CRB1: variants seen among roughly 807,000 people sequenced by gnomAD.
The protein encoded by CRB1 is crumbs cell polarity complex component 1, also known as protein crumbs homolog 1.
In CRB1, 83 loss-of-function variants were observed where a neutral mutation model predicts 120.0. The ratio of observed to expected loss-of-function variants is 0.69; its 90% CI spans 0.58 to 0.83. The LOEUF is 0.83. Among genes scored for constraint, CRB1 ranks in the 40% least tolerant of loss-of-function variants. The pLI is 0.00. For missense variants in CRB1, 1,699 were observed against 1,687.6 expected, an observed-to-expected ratio of 1.01 and a Z score of -0.12; for synonymous variants, 625 against 612.5, an observed-to-expected ratio of 1.02 and a Z score of -0.30.
chr1:197,428,147 C>A, intron 7 of CRB1, 146 bp downstream of exon 7: 1 of 760,038 alleles, frequency 1.3e-6, no homozygotes, highest in Non-Finnish European at 2.1e-6. Flanking sequence ...TATATTGTTC[C>A]AACAAGACTG....
intron 5 of CRB1, among the ~76,000 whole-genome samples, chr1:197,384,132 C>T (rs1370508031): frequency 6.6e-6 from 1 of 152,210 alleles, no homozygotes; most frequent in Non-Finnish European, 1.5e-5. Flanking sequence ...TCTCTACTTT[C>T]TGTGCCAGAC....
intron 1 of CRB1, among the ~76,000 whole-genome samples, chr1:197,325,238 C>G (rs1000867287): frequency 1.3e-5 from 2 of 152,144 alleles, no homozygotes; most frequent in African/African-American, 4.8e-5. Flanking sequence ...AAATTTCATT[C>G]TCTGCAGAAA....
Position 197,307,916 on chromosome 1 carries a change from C to T in CRB1, c.71-20506C>T, listed in dbSNP as rs143358623. 5.8e-3 allele frequency among the ~76,000 whole-genome samples: 884 copies of T among 152,260 alleles called. 13 individuals are homozygous for T. Among genetic ancestry groups the T allele is most frequent in the African/African-American group, 0.02 (838 of 41,554 alleles). ...ACTCTCTTTTCGAGCTACCATTTAA[C>T]CCAGCAATCTCATTACTGGGTATAT... is the stretch of plus-strand genomic sequence containing the variant. On this transcript the variant is annotated intron_variant, in intron 1 of 11. Coordinates refer to ENST00000367400, the MANE Select transcript of CRB1 (RefSeq NM_201253.3).
chr1:197,415,307 C>T (rs1365038831), intron 5 of CRB1, among the ~76,000 whole-genome samples: 1 of 152,178 alleles, frequency 6.6e-6, no homozygotes, highest in Non-Finnish European at 1.5e-5. Flanking sequence ...TTTCTTCCCA[C>T]TTCATTCTGT....
At chr1:197,425,639 C>A (rs748451220) in intron 6 of CRB1, among the ~76,000 whole-genome samples, 22 of 152,098 alleles carry the variant, frequency 1.4e-4, no homozygotes, top group Admixed American at 4.6e-4. Context: ...TTTCTCAATA[C>A]CAGTTAACAC....
intron 5 of CRB1, among the ~76,000 whole-genome samples, chr1:197,383,793 A>AT (rs1339457509): frequency 6.6e-6 from 1 of 152,118 alleles, no homozygotes; most frequent in Non-Finnish European, 1.5e-5. Context: ...CTGCTCTGGT[A>AT]TTTTTATTTT....
intron 1 of CRB1, among the ~76,000 whole-genome samples, chr1:197,321,538 A>G (rs959426009): frequency 2.0e-5 from 3 of 152,216 alleles, no homozygotes; most frequent in African/African-American, 7.2e-5. Context: ...GAATCAGCAA[A>G]GCAAACAATC....
chr1:197,413,592 T>C lies in CRB1; in HGVS notation c.1172-7408T>C, dbSNP rs528258622. On this transcript the variant is annotated intron_variant, in intron 5 of 11. Transcript: ENST00000367400. ...CAACAGAAGTTGTCCAAAATACTTA[T>C]CTGTGTTTAGATTTCCCAAAATTCA... Among the ~76,000 whole-genome samples the C allele has an allele frequency of 2.6e-5, 4 of 152,336 alleles. No individual in the cohort carries two copies. In the South Asian group the frequency reaches 6.2e-4, roughly 24 times the overall value.
chr1:197,365,626 C>CTTCTTT (rs1247162027), intron 5 of CRB1, among the ~76,000 whole-genome samples: 2,236 of 121,754 alleles, frequency 0.018, 50 homozygotes, highest in Non-Finnish European at 0.028. Flanking sequence ...TCTTCTTCTT[C>CTTCTTT]TTTTTTTTTT....
chr1:197,415,204 A>C (rs986262723), intron 5 of CRB1, among the ~76,000 whole-genome samples: 3 of 152,246 alleles, frequency 2.0e-5, no homozygotes, highest in Non-Finnish European at 4.4e-5. Flanking sequence ...AGTGTACTGT[A>C]AATTGTAAAG....
intron 5 of CRB1, among the ~76,000 whole-genome samples, chr1:197,392,726 A>G (rs1462351555): frequency 1.3e-5 from 2 of 152,272 alleles, no homozygotes; most frequent in South Asian, 2.1e-4. Context: ...GCTTGTAATA[A>G]AATACAACAC....
At chr1:197,473,859 A>T (rs1368626544) in intron 11 of CRB1, among the ~76,000 whole-genome samples, 1 of 152,056 alleles carries the variant, frequency 6.6e-6, no homozygotes, top group Non-Finnish European at 1.5e-5. Flanking sequence ...GGAGCAAAAA[A>T]AAAAAAGCCT....
At chr1:197,231,038 A>G in the CRB1 span, among the ~76,000 whole-genome samples, 3 of 152,244 alleles carry the variant, frequency 2.0e-5, no homozygotes, top group Non-Finnish European at 4.4e-5. Context: ...AGCTGTAATT[A>G]ATAGACTTTG....
chr1:197,277,443 G>A (rs1655274576), intron 1 of CRB1, among the ~76,000 whole-genome samples: 2 of 151,946 alleles, frequency 1.3e-5, no homozygotes, highest in South Asian at 4.1e-4. Context: ...AGTTTGCTTT[G>A]CACAGAGACC....
intron 1 of CRB1, among the ~76,000 whole-genome samples, chr1:197,321,852 C>A (rs970816708): frequency 7.9e-5 from 12 of 152,134 alleles, no homozygotes; most frequent in Admixed American, 5.2e-4. Flanking sequence ...CATTGGACTT[C>A]TAACAATTTG....
chr1:197,395,025 C>G (rs556947520), intron 5 of CRB1, among the ~76,000 whole-genome samples: 4 of 152,094 alleles, frequency 2.6e-5, no homozygotes, highest in African/African-American at 9.6e-5. Flanking sequence ...CATAGTAACC[C>G]TGGGGTATTG....
chr1:197,239,433 T>C, the CRB1 span, among the ~76,000 whole-genome samples: 1 of 152,166 alleles, frequency 6.6e-6, no homozygotes, highest in Non-Finnish European at 1.5e-5. Context: ...AGGAATGCAA[T>C]ATATTCTTGC....
chr1:197,415,755 G>C (rs1279215935), intron 5 of CRB1, among the ~76,000 whole-genome samples: 1 of 146,946 alleles, frequency 6.8e-6, no homozygotes. Context: ...CCATTCTCCT[G>C]CCTCAGCCTC....
Position 197,442,106 on chromosome 1 carries a change from AT to A in CRB1, c.3879-57del. On this transcript the variant is annotated intron_variant, in intron 10 of 11. Coordinates refer to ENST00000367400, the MANE Select transcript of CRB1 (RefSeq NM_201253.3). ...GAGATAAGGCAAACTTTTTCTTCCCATTTCACAACCAATGTATTCAACAGGG... is the reference window on the plus strand; with the variant it reads ...GAGATAAGGCAAACTTTTTCTTCCCATTCACAACCAATGTATTCAACAGGG... 1.9e-6 allele frequency: 3 copies of A among 1,612,582 alleles called. No individual in the cohort carries two copies. The Admixed American group carries it at 5.0e-5, about 27-fold the overall frequency.
Sources: allele counts gnomAD v4.1 joint callset (sites outside exome capture counted in the v4.1 genomes callset), GRCh38; gene constraint gnomAD v4.1.1; transcripts MANE v1.5; gene names NCBI Gene and HGNC (gene_info 2026-07-23, HGNC 2026-07-21).